Variants in ATP11A observed in about 807,000 individuals in gnomAD.
ATP11A encodes the protein phospholipid-transporting ATPase IH.
A neutral mutation model predicts 154.4 loss-of-function variants in ATP11A; 81 were observed. The ratio of observed to expected loss-of-function variants is 0.52; its 90% CI spans 0.44 to 0.63. The LOEUF is 0.63. Among genes scored for constraint, ATP11A ranks in the 30% least tolerant of loss-of-function variants. ATP11A has a pLI of 0.00. For synonymous variants in ATP11A, 623 were observed against 585.9 expected, an observed-to-expected ratio of 1.06 and a Z score of -0.91; for missense variants, 1,316 against 1,474.3, an observed-to-expected ratio of 0.89 and a Z score of 1.76.
At chr13:112,852,793 G>GGT (rs2079808056) in intron 18 of ATP11A, among the ~76,000 whole-genome samples, 1 of 143,258 alleles carries the variant, frequency 7.0e-6, no homozygotes, top group Non-Finnish European at 1.5e-5. Context: ...GGCGGGGGGG[G>GGT]ATCTCAGTGG....
At chr13:112,870,080 T>C (rs2080464913) in intron 25 of ATP11A, among the ~76,000 whole-genome samples, 1 of 151,926 alleles carries the variant, frequency 6.6e-6, no homozygotes, top group Non-Finnish European at 1.5e-5. Context: ...CAAGCATGTG[T>C]AGATCTGAGT....
intron 1 of ATP11A, among the ~76,000 whole-genome samples, chr13:112,710,166 A>T (rs557673719): frequency 1.2e-4 from 18 of 152,346 alleles, no homozygotes; most frequent in African/African-American, 4.1e-4. Flanking sequence ...CACGAGTGTC[A>T]TCCATGTGGT....
chr13:112,855,288 G>T (rs772923350), intron 19 of ATP11A, among the ~76,000 whole-genome samples: 1 of 152,048 alleles, frequency 6.6e-6, no homozygotes, highest in African/African-American at 2.4e-5. Context: ...TGTGACCTCC[G>T]CCTCCCAGGT....
intron 12 of ATP11A, among the ~76,000 whole-genome samples, chr13:112,827,421 T>G (rs1871600700): frequency 1.3e-5 from 2 of 152,150 alleles, no homozygotes; most frequent in Non-Finnish European, 2.9e-5. Context: ...CTTACAGGAT[T>G]GGGTTGCAGA....
At chr13:112,724,092 T>TATCGTCCCC (rs1452524095) in intron 1 of ATP11A, among the ~76,000 whole-genome samples, 1 of 121,158 alleles carries the variant, frequency 8.3e-6, no homozygotes, top group Non-Finnish European at 1.7e-5. Context: ...GACCAGCCCC[T>TATCGTCCCC]ATCGTCCCCA....
At chr13:112,836,715 C>G (rs2163994) in intron 16 of ATP11A, among the ~76,000 whole-genome samples, 38,998 of 152,206 alleles carry the variant, frequency 0.26, 5,240 homozygotes, top group East Asian at 0.37. Flanking sequence ...TGGCAGTTGC[C>G]GTAACAGTGT....
chr13:112,799,151 A>C (rs1370209020), intron 2 of ATP11A, among the ~76,000 whole-genome samples: 1 of 152,246 alleles, frequency 6.6e-6, no homozygotes, highest in Non-Finnish European at 1.5e-5. Context: ...GGGTCAAAAT[A>C]TGTGAGGCAA....
At chr13:112,723,290 A>C (rs1253187018) in intron 1 of ATP11A, among the ~76,000 whole-genome samples, 10 of 12,320 alleles carry the variant, frequency 8.1e-4, no homozygotes, top group African/African-American at 1.1e-3. Context: ...AGAGTTCCCC[A>C]CCTCCCCCCG....
rs372352 is a variant in ATP11A at position 112,756,855 on chromosome 13, T to C, written c.40-28280T>C. On this transcript the variant is annotated intron_variant, in intron 1 of 29. Coordinates refer to ENST00000375645, the MANE Select transcript of ATP11A (RefSeq NM_015205.3). ...CACGGGGCCTGCTCCCAGCGCGGGG[T>C]CTGCTCCCAGCACGTGGTCTGCTCC... 1.8e-3 allele frequency among the ~76,000 whole-genome samples: 270 copies of C among 146,622 alleles called. 4 individuals carry two copies. The highest frequency in any genetic ancestry group is 4.7e-3 in the African/African-American group (185 of 38,978).
Position 112,857,832 on chromosome 13 carries a change from C to T in ATP11A, c.2433C>T (p.Ile811=). The T allele has an allele frequency of 1.2e-6, 2 of 1,613,846 alleles. No individual in the cohort carries two copies. The highest frequency in any genetic ancestry group is 1.7e-6 in the Non-Finnish European group (2 of 1,179,760). Residue 811 remains isoleucine, a synonymous_variant, in exon 21 of 30, where the codon ATC becomes ATT. Transcript: ENST00000375645. The stretch of plus-strand genomic sequence containing the variant: ...TTCTTTTGCAGATTGTTAAATTAAT[C>T]AAATTTTCAAAAGAGCACCCAATCA... ...PLQKAQIVKL[I]KFSKEHPITL...
chr13:112,762,417 T>C (rs1400456892), intron 1 of ATP11A, among the ~76,000 whole-genome samples: 1 of 152,168 alleles, frequency 6.6e-6, no homozygotes, highest in Non-Finnish European at 1.5e-5. Flanking sequence ...TGCAGGCCTT[T>C]GTGAGAACTG....
chr13:112,779,925 AG>A (rs1476019219), intron 1 of ATP11A, among the ~76,000 whole-genome samples: 1 of 152,088 alleles, frequency 6.6e-6, no homozygotes, highest in Non-Finnish European at 1.5e-5. Flanking sequence ...AAAAAAAAAA[AG>A]AATGACATTT....
intron 1 of ATP11A, among the ~76,000 whole-genome samples, chr13:112,782,255 G>A (rs969584108): frequency 9.2e-5 from 14 of 152,200 alleles, no homozygotes; most frequent in Non-Finnish European, 1.8e-4. Context: ...GGAAGCGGCC[G>A]GGAAGCGTGG....
chr13:112,799,020 C>G (rs190076332), intron 2 of ATP11A, among the ~76,000 whole-genome samples: 2 of 152,332 alleles, frequency 1.3e-5, no homozygotes, highest in African/African-American at 4.8e-5. Flanking sequence ...ATATTAATTT[C>G]AGACAAAGCA....
rs1046328410 is a variant in ATP11A at position 112,754,176 on chromosome 13, C to T, written c.40-30959C>T. On this transcript the variant is annotated intron_variant, in intron 1 of 29. Coordinates refer to ENST00000375645, the MANE Select transcript of ATP11A (RefSeq NM_015205.3). The surrounding 1 kb of genome is among the most constrained non-coding windows in gnomAD (Gnocchi z 5.3). ...GCTGCTGAGATGTGAGAAAGGCCTG[C>T]GCTGGGGTCTGGGAAATTCGTTTTC... is the stretch of plus-strand genomic sequence containing the variant. Among the ~76,000 whole-genome samples, 3 of 152,210 alleles carry T rather than the reference C, an allele frequency of 2.0e-5. No homozygotes were observed. The highest frequency in any genetic ancestry group is 1.9e-4 in the East Asian group (1 of 5,190).
At chr13:112,765,406 C>T (rs992519836) in intron 1 of ATP11A, among the ~76,000 whole-genome samples, 13 of 152,342 alleles carry the variant, frequency 8.5e-5, no homozygotes, top group African/African-American at 1.2e-4. Context: ...CAGCCTCCTC[C>T]GGGCAGGCCC....
chr13:112,761,324 C>T (rs1566440864), intron 1 of ATP11A, among the ~76,000 whole-genome samples: 1 of 152,168 alleles, frequency 6.6e-6, no homozygotes, highest in Non-Finnish European at 1.5e-5. Context: ...GAAAATGGTA[C>T]GCTCAGCAAT....
At chr13:112,766,628 A>G (rs1376368028) in intron 1 of ATP11A, among the ~76,000 whole-genome samples, 12 of 152,186 alleles carry the variant, frequency 7.9e-5, no homozygotes, top group Admixed American at 2.6e-4. Context: ...GGGAAGGGGA[A>G]GGGGGAGGGT....
At chr13:112,863,679 G>C (rs1384262612) in intron 25 of ATP11A, among the ~76,000 whole-genome samples, 1 of 114,048 alleles carries the variant, frequency 8.8e-6, no homozygotes, top group African/African-American at 3.5e-5. Context: ...CACCACCTGC[G>C]CAGTAATTCA....
Sources: allele counts gnomAD v4.1 joint callset (sites outside exome capture counted in the v4.1 genomes callset), GRCh38; gene constraint gnomAD v4.1.1; non-coding constraint Gnocchi (gnomAD v3.1); transcripts MANE v1.5; gene names NCBI Gene and HGNC (gene_info 2026-07-23, HGNC 2026-07-21).